The following RSPH1 variants were observed in gnomAD, a reference collection of about 807,000 sequenced individuals.
The protein encoded by RSPH1 is radial spoke head component 1, also known as radial spoke head 1 homolog.
RSPH1 carries 32 observed loss-of-function variants against 44.2 expected under a neutral mutation model. The ratio of observed to expected loss-of-function variants is 0.72; its 90% confidence interval spans 0.55 to 0.97. The LOEUF (loss-of-function observed/expected upper bound fraction) is 0.97. Ranked by LOEUF, RSPH1 falls within the 50% of genes least tolerant of loss-of-function variation. The probability of loss-of-function intolerance (pLI) is 0.00; values close to 1 mark genes in which losing one functional copy is unlikely to be tolerated. For synonymous variants in RSPH1, 134 were observed against 147.3 expected (o/e 0.91, Z 0.65); for missense variants, 391 against 398.7 (o/e 0.98, Z 0.16).
In RSPH1 at chr21:42,474,021, G is replaced by A. The variant is rs910078299; in HGVS notation, c.878-1151C>T. Among the ~76,000 whole-genome samples the A allele has an allele frequency of 1.3e-4, 20 of 152,170 alleles. No homozygotes were observed. Among genetic ancestry groups the A allele is most frequent in the African/African-American group, 4.6e-4 (19 of 41,424 alleles). On this transcript the variant is annotated intron_variant, in intron 8 of 8. Coordinates refer to ENST00000291536, the MANE Select transcript of RSPH1 (RefSeq NM_080860.4). The surrounding 1 kb of genome is among the most constrained non-coding windows in gnomAD (Gnocchi z 5.2). ...CGTCCACTCGGCCCCATCTCTCCCA[G>A]TCCGGTTTTCAGGATTCCTCCTGCT... is the stretch of plus-strand genomic sequence containing the variant.
At position 42,474,828 on chromosome 21, in the gene RSPH1, G is replaced by A. The variant is rs1414635080; in HGVS notation, c.877+1070C>T. Among the ~76,000 whole-genome samples, 2 of 152,342 alleles carry A rather than the reference G, an allele frequency of 1.3e-5. No individual in the cohort carries two copies. Among genetic ancestry groups the A allele is most frequent in the East Asian group, 1.9e-4 (1 of 5,190 alleles). ...AGCGCTCAGGGGAATTACCGATCAC[G>A]AAAGTCTATGTGTGCTTCAAGCATC... On this transcript the variant is annotated intron_variant, in intron 8 of 8. Coordinates refer to ENST00000291536, the MANE Select transcript of RSPH1 (RefSeq NM_080860.4). The surrounding 1 kb of genome is among the most constrained non-coding windows in gnomAD (Gnocchi z 5.2).
At chr21:42,475,508 C>T (rs1232440925) in intron 8 of RSPH1, among the ~76,000 whole-genome samples, 1 of 148,210 alleles carries the variant, frequency 6.7e-6, no homozygotes, top group Non-Finnish European at 1.5e-5. Context: ...GTGGAGGTTG[C>T]AGTGAGCCAA....
Position 42,482,698 on chromosome 21 carries a change from G to A in RSPH1, c.512C>T (p.Pro171Leu), listed in dbSNP as rs1175921548. The change falls in exon 6 of 9, where the codon CCT becomes CTT. Residue 171 changes from proline (P) to leucine (L), a missense_variant. Transcript: ENST00000291536. ...GKFLNKNPVGPGKYVFDVGCE... is the reference protein window; with the variant it reads ...GKFLNKNPVGLGKYVFDVGCE... ...CCCAACATCAAATACATACTTTCCA[G>A]GGCCAACAGGCTACGAGCAAAGAGA... The A allele has an allele frequency of 6.2e-7, 1 of 1,612,578 alleles. No individual in the cohort carries two copies.
intron 4 of RSPH1, chr21:42,486,164 C>G: frequency 3.4e-6 from 2 of 587,344 alleles, no homozygotes; most frequent in Non-Finnish European, 6.1e-6. Flanking sequence ...TCTGCCCCAA[C>G]TGAGGTGCAG....
chr21:42,486,081 T>G (rs2054177588), intron 4 of RSPH1: 1 of 576,322 alleles, frequency 1.7e-6, no homozygotes, highest in Admixed American at 3.0e-5. Flanking sequence ...TAGTGGGAGC[T>G]GTGGCTCAGG....
chr21:42,493,230 T>C (rs2054254533), intron 1 of RSPH1, 151 bp from the exon 2 acceptor site: 1 of 711,312 alleles, frequency 1.4e-6, no homozygotes, highest in South Asian at 1.8e-5. Context: ...CACCTTAAAG[T>C]TGAGGTAGGT....
chr21:42,485,077 G>T (rs2054164952), intron 5 of RSPH1: 1 of 152,248 alleles, frequency 6.6e-6, no homozygotes, highest in African/African-American at 2.4e-5. Context: ...ATTATTCAAG[G>T]TTTCTCTGTA....
intron 1 of RSPH1, 177 bp downstream of exon 1, chr21:42,495,956 C>A: frequency 1.6e-6 from 1 of 630,926 alleles, no homozygotes; most frequent in African/African-American, 1.8e-5. Flanking sequence ...CACTTTTCAC[C>A]ATCAACTTCC....
intron 5 of RSPH1, among the ~76,000 whole-genome samples, chr21:42,484,123 A>T (rs2054156733): frequency 6.6e-6 from 1 of 152,222 alleles, no homozygotes; most frequent in South Asian, 2.1e-4. Context: ...TAAACATGTG[A>T]CAAGATGTTT....
chr21:42,476,916 A>G (rs2839533), intron 7 of RSPH1, among the ~76,000 whole-genome samples: 1 of 151,886 alleles, frequency 6.6e-6, no homozygotes, highest in East Asian at 1.9e-4. Flanking sequence ...TGGCCTGAAA[A>G]CAGGATGTCC....
intron 3 of RSPH1, among the ~76,000 whole-genome samples, chr21:42,491,291 T>G (rs879940430): frequency 2.0e-5 from 3 of 152,068 alleles, no homozygotes; most frequent in Non-Finnish European, 4.4e-5. Context: ...TAACTCTGGG[T>G]GGTGTCAGAA....
In RSPH1 at chr21:42,490,958, C is replaced by G. The variant is rs112271841; in HGVS notation, c.274+1800G>C. On this transcript the variant is annotated intron_variant, in intron 3 of 8. Transcript: ENST00000291536. The stretch of plus-strand genomic sequence containing the variant: ...CTGGGGTGATAAACATATCATGTGC[C>G]AGGAGGGTGGTGCACTCCACCTCCA... Among the ~76,000 whole-genome samples the G allele has an allele frequency of 1.6e-3, 237 of 152,310 alleles. 1 individual carries two copies. The highest frequency in any genetic ancestry group is 5.3e-3 in the African/African-American group (221 of 41,562).
chr21:42,480,640 CAAAAAAA>C (rs780506820), intron 6 of RSPH1, among the ~76,000 whole-genome samples: 1 of 38,744 alleles, frequency 2.6e-5, no homozygotes, highest in Non-Finnish European at 4.8e-5. Flanking sequence ...AACTCCATCT[CAAAAAAA>C]AAAAAAAAAA....
chr21:42,473,977 G>T (rs577268438), intron 8 of RSPH1, among the ~76,000 whole-genome samples: 1 of 152,122 alleles, frequency 6.6e-6, no homozygotes, highest in East Asian at 1.9e-4. Context: ...AGTCTCAGAC[G>T]CCCGCTGGTA....
chr21:42,478,563 T>G (rs994555577), intron 6 of RSPH1, among the ~76,000 whole-genome samples: 1 of 152,218 alleles, frequency 6.6e-6, no homozygotes, highest in African/African-American at 2.4e-5. Flanking sequence ...ACTTTATGTA[T>G]AAAACCAAGA....
intron 1 of RSPH1, among the ~76,000 whole-genome samples, chr21:42,493,837 G>A (rs188088944): frequency 9.2e-5 from 14 of 152,264 alleles, no homozygotes; most frequent in Middle Eastern, 3.4e-3. Context: ...TGCAACCTCC[G>A]CCTCCCAGGC....
intron 3 of RSPH1, among the ~76,000 whole-genome samples, chr21:42,492,408 C>A (rs1019860679): frequency 6.6e-6 from 1 of 152,170 alleles, no homozygotes; most frequent in African/African-American, 2.4e-5. Flanking sequence ...ATGGAAAATG[C>A]AAAGACAGGT....
intron 3 of RSPH1, among the ~76,000 whole-genome samples, chr21:42,491,812 C>T (rs1350762259): frequency 6.6e-6 from 1 of 152,190 alleles, no homozygotes; most frequent in African/African-American, 2.4e-5. Flanking sequence ...ATGTCCTCCT[C>T]ACTAAGAAGT....
intron 3 of RSPH1, among the ~76,000 whole-genome samples, chr21:42,487,432 G>A (rs754894595): frequency 2.6e-5 from 4 of 152,166 alleles, no homozygotes; most frequent in Non-Finnish European, 5.9e-5. Context: ...TGATCAAAGA[G>A]AAAAGAAGGA....
Sources: allele counts gnomAD v4.1 joint callset (sites outside exome capture counted in the v4.1 genomes callset), GRCh38; gene constraint gnomAD v4.1.1; non-coding constraint Gnocchi (gnomAD v3.1); transcripts MANE v1.5; gene names NCBI Gene and HGNC (gene_info 2026-07-23, HGNC 2026-07-21).